Variants in AP3B1 observed in about 807,000 individuals in gnomAD.
The protein encoded by AP3B1 is AP-3 complex subunit beta-1.
AP3B1 carries 61 observed loss-of-function variants against 132.5 expected under a neutral mutation model. The observed-to-expected ratio is 0.46, with a 90% confidence interval of 0.37 to 0.57. AP3B1 has a LOEUF of 0.57. Among genes scored for constraint, AP3B1 ranks in the 20% least tolerant of loss-of-function variants. The pLI, the probability that AP3B1 is intolerant of heterozygous loss-of-function variation, is 0.00. For missense variants in AP3B1, 1,120 were observed against 1,289.4 expected, an observed-to-expected ratio of 0.87 and a Z score of 2.01; for synonymous variants, 388 against 438.3, an observed-to-expected ratio of 0.89 and a Z score of 1.43.
At chr5:78,203,988 G>A (rs898734258) in intron 7 of AP3B1, among the ~76,000 whole-genome samples, 2 of 152,032 alleles carry the variant, frequency 1.3e-5, no homozygotes, top group African/African-American at 4.8e-5. Context: ...GAGAGTCATT[G>A]TTTTCCTGGT....
At position 78,181,047 on chromosome 5, in the gene AP3B1, T is replaced by A. The variant is rs188685573; in HGVS notation, c.942+460A>T. Among the ~76,000 whole-genome samples the A allele has an allele frequency of 1.4e-4, 21 of 152,224 alleles. No individual in the cohort carries two copies. The East Asian group carries it at 3.7e-3, about 27-fold the overall frequency. The stretch of plus-strand genomic sequence containing the variant: ...ACCTTTGTTAGTCTCTTAAAAATTC[T>A]ATCAGACAGATACAAACAGTATGGA... On this transcript the variant is annotated intron_variant, in intron 8 of 26. Transcript: ENST00000255194.
At chr5:78,026,303 T>C (rs990937346) in intron 24 of AP3B1, among the ~76,000 whole-genome samples, 7 of 152,218 alleles carry the variant, frequency 4.6e-5, no homozygotes, top group African/African-American at 1.7e-4. Context: ...TAAGGCAAGA[T>C]TCTACTTGGT....
intron 15 of AP3B1, 28 bp downstream of exon 15, chr5:78,141,115 G>A: frequency 6.2e-7 from 1 of 1,604,198 alleles, no homozygotes; most frequent in Non-Finnish European, 8.5e-7. Context: ...GTACGTATTA[G>A]ATAGGTTGAC....
chr5:78,090,550 A>G (rs1750466958), intron 21 of AP3B1, among the ~76,000 whole-genome samples: 1 of 152,224 alleles, frequency 6.6e-6, no homozygotes, highest in African/African-American at 2.4e-5. Context: ...TCACCTGCAA[A>G]CAGCTTATAT....
At chr5:78,086,228 G>C (rs573944897) in intron 22 of AP3B1, among the ~76,000 whole-genome samples, 4 of 152,140 alleles carry the variant, frequency 2.6e-5, no homozygotes, top group African/African-American at 9.6e-5. Flanking sequence ...GCATATCTAT[G>C]TACAGCCTTA....
intron 1 of AP3B1, among the ~76,000 whole-genome samples, chr5:78,291,541 A>T (rs2112601632): frequency 6.6e-6 from 1 of 152,228 alleles, no homozygotes; most frequent in African/African-American, 2.4e-5. Context: ...TTCAAGAAGC[A>T]TGCATCACCT....
intron 2 of AP3B1, among the ~76,000 whole-genome samples, chr5:78,261,390 T>A (rs574924575): frequency 6.6e-6 from 1 of 152,340 alleles, no homozygotes; most frequent in African/African-American, 2.4e-5. Flanking sequence ...TTATTTGCCA[T>A]CTATATATCT....
intron 25 of AP3B1, chr5:78,015,754 T>A: frequency 1.9e-6 from 1 of 532,298 alleles, no homozygotes; most frequent in Non-Finnish European, 3.3e-6. Context: ...GGAAAATGTG[T>A]AAAAATTCAG....
chr5:78,048,592 T>C (rs879913412), intron 22 of AP3B1, among the ~76,000 whole-genome samples: 4 of 152,188 alleles, frequency 2.6e-5, no homozygotes, highest in Admixed American at 2.6e-4. Context: ...AACTCTAATT[T>C]TGTCTGTGGC....
intron 17 of AP3B1, among the ~76,000 whole-genome samples, chr5:78,117,066 G>A (rs1240162229): frequency 6.6e-6 from 1 of 151,678 alleles, no homozygotes; most frequent in Admixed American, 6.6e-5. Context: ...CCTCTTGCCT[G>A]ATCTGCTCTG....
intron 24 of AP3B1, among the ~76,000 whole-genome samples, chr5:78,023,691 T>C (rs1299180809): frequency 6.6e-6 from 1 of 151,016 alleles, no homozygotes; most frequent in African/African-American, 2.4e-5. Flanking sequence ...GGAGGAAGAG[T>C]GGTCAGGAAA....
At chr5:78,077,762 T>A (rs1191435376) in intron 22 of AP3B1, among the ~76,000 whole-genome samples, 1 of 152,216 alleles carries the variant, frequency 6.6e-6, no homozygotes, top group Non-Finnish European at 1.5e-5. Context: ...ATATCTTCTC[T>A]AAGAGATCTT....
intron 1 of AP3B1, 44 bp downstream of exon 1, chr5:78,294,408 C>G: frequency 6.2e-7 from 1 of 1,613,082 alleles, no homozygotes; most frequent in Non-Finnish European, 8.5e-7. Flanking sequence ...TCCGAGTCCG[C>G]AGCTCCTCCC....
intron 7 of AP3B1, among the ~76,000 whole-genome samples, chr5:78,212,936 G>A (rs549696605): frequency 1.3e-5 from 2 of 152,162 alleles, no homozygotes; most frequent in Admixed American, 6.5e-5. Context: ...GGAGTGCAGT[G>A]GTGCGATCTC....
At chr5:78,107,440 T>A (rs1217515603) in intron 20 of AP3B1, among the ~76,000 whole-genome samples, 3 of 152,006 alleles carry the variant, frequency 2.0e-5, no homozygotes, top group Non-Finnish European at 2.9e-5. Flanking sequence ...CCATGCTCCC[T>A]CTCTCTCTCT....
chr5:78,247,223 T>C (rs1747414418), intron 2 of AP3B1, among the ~76,000 whole-genome samples: 1 of 150,304 alleles, frequency 6.7e-6, no homozygotes, highest in Non-Finnish European at 1.5e-5. Context: ...GTTAAGATTG[T>C]GTTTTATGGC....
At position 78,113,890 on chromosome 5, in the gene AP3B1, C is replaced by T; in HGVS notation, c.2111G>A (p.Gly704Asp). 1 of 1,614,192 alleles carries T rather than the reference C, an allele frequency of 6.2e-7. No homozygotes were observed. The highest frequency in any genetic ancestry group is 8.5e-7 in the Non-Finnish European group (1 of 1,180,046). The change falls in exon 19 of 27, where the codon GGC becomes GAC. Residue 704 changes from glycine (G) to aspartate (D), a missense_variant. Physicochemically the swap from Gly to Asp is moderately conservative, Grantham distance 94. This residue lies in a region of AP3B1 where 906 missense variants were observed against 997.1 expected (regional missense o/e 0.91). Transcript: ENST00000255194. Reference protein sequence around the residue: ...SESGSESGEQGESGEEGDSNE... With the variant: ...SESGSESGEQDESGEEGDSNE... ...GCTGTCTCCTTCCTCCCCACTTTCG[C>T]CTTGTTCTCCACTTTCACTTCCAGA...
In AP3B1 at chr5:78,221,043, C is replaced by T. The variant is rs192340307; in HGVS notation, c.603+4499G>A. 1.0e-3 allele frequency among the ~76,000 whole-genome samples: 154 copies of T among 152,228 alleles called. 1 individual carries two copies. The highest frequency in any genetic ancestry group is 2.5e-4 in the Non-Finnish European group (17 of 68,004). ...CAGCCCTGGGTGACAGAGTAAGACC[C>T]TTCTTTTTTAGGCAGAAAAGAAAAG... On this transcript the variant is annotated intron_variant, in intron 6 of 26. Transcript: ENST00000255194.
intron 22 of AP3B1, among the ~76,000 whole-genome samples, chr5:78,075,792 A>G (rs1749742125): frequency 6.6e-6 from 1 of 152,216 alleles, no homozygotes; most frequent in African/African-American, 2.4e-5. Flanking sequence ...TGCCAAACTT[A>G]ACGTCATCTT....
Sources: gnomAD v4.1 joint callset for allele counts (sites outside exome capture counted in the v4.1 genomes callset) on GRCh38, gnomAD v4.1.1 for gene constraint, gnomAD v4.1.1 regional missense constraint, MANE v1.5 for transcripts, NCBI Gene and HGNC (gene_info 2026-07-23, HGNC 2026-07-21) for gene names.